TTC28: variants seen among roughly 807,000 people sequenced by gnomAD.
TTC28 encodes tetratricopeptide repeat protein 28.
In TTC28, 61 loss-of-function variants were observed where a neutral mutation model predicts 198.0. The observed-to-expected ratio is 0.31, with a 90% confidence interval of 0.25 to 0.38. The LOEUF (loss-of-function observed/expected upper bound fraction) is 0.38. Among genes scored for constraint, TTC28 ranks in the 10% least tolerant of loss-of-function variants. The pLI is 1.00. For missense variants in TTC28, 2,678 were observed against 3,164.0 expected (o/e 0.85, Z 3.69); for synonymous variants, 1,171 against 1,297.8 (o/e 0.90, Z 2.10).
chr22:27,991,904 A>C (rs1346464826), intron 19 of TTC28, among the ~76,000 whole-genome samples: 3 of 152,228 alleles, frequency 2.0e-5, no homozygotes, highest in Admixed American at 2.0e-4. Flanking sequence ...AGTGTCTTGC[A>C]TGAGAGTTGC....
intron 2 of TTC28, among the ~76,000 whole-genome samples, chr22:28,386,402 T>TGG (rs2046595494): frequency 6.6e-6 from 1 of 151,764 alleles, no homozygotes; most frequent in Non-Finnish European, 1.5e-5. Flanking sequence ...TCTCTCATGA[T>TGG]GGGCAGGGAC....
Position 28,139,909 on chromosome 22 carries a change from G to T in TTC28, c.1441+23183C>A, listed in dbSNP as rs114428985. 2.6e-3 allele frequency among the ~76,000 whole-genome samples: 390 copies of T among 152,234 alleles called. 1 individual carries two copies. Among genetic ancestry groups the T allele is most frequent in the African/African-American group, 8.9e-3 (368 of 41,542 alleles). On this transcript the variant is annotated intron_variant, in intron 6 of 22. Transcript: ENST00000397906. ...ATAGGCTAAATTCATACACATGACT[G>T]GGTTCACAACACCAACTATAGTCAC...
intron 2 of TTC28, among the ~76,000 whole-genome samples, chr22:28,564,175 T>C (rs971481591): frequency 4.6e-5 from 7 of 152,144 alleles, no homozygotes; most frequent in African/African-American, 1.7e-4. Flanking sequence ...GACTTCCTTT[T>C]GGGGCGATGA....
intron 1 of TTC28, among the ~76,000 whole-genome samples, chr22:28,676,859 T>C (rs1569095174): frequency 6.6e-6 from 1 of 151,982 alleles, no homozygotes; most frequent in Non-Finnish European, 1.5e-5. Flanking sequence ...ATCCTGTCTT[T>C]AAAAATATTT....
intron 6 of TTC28, among the ~76,000 whole-genome samples, chr22:28,123,582 T>A (rs773297030): frequency 5.9e-5 from 9 of 152,196 alleles, no homozygotes; most frequent in Non-Finnish European, 1.2e-4. Context: ...TCTTCTCAAT[T>A]CTACCTTTAT....
At chr22:28,397,779 C>T (rs1362312289) in intron 2 of TTC28, among the ~76,000 whole-genome samples, 4 of 152,212 alleles carry the variant, frequency 2.6e-5, no homozygotes, top group East Asian at 1.9e-4. Context: ...TTTTTGATCC[C>T]GCATTCTATG....
intron 12 of TTC28, among the ~76,000 whole-genome samples, chr22:28,087,586 C>T (rs1183647119): frequency 2.6e-5 from 4 of 152,126 alleles, no homozygotes; most frequent in Non-Finnish European, 4.4e-5. Flanking sequence ...GAAGCATTCC[C>T]TTTGAAAACT....
At position 28,032,255 on chromosome 22, in the gene TTC28, ATATATATATATAGT is replaced by A. The variant is rs1569095027; in HGVS notation, c.3933-1903_3933-1890del. Among the ~76,000 whole-genome samples, 709 of 96,202 alleles carry A rather than the reference ATATATATATATAGT, an allele frequency of 7.4e-3. 8 individuals are homozygous for A. The highest frequency in any genetic ancestry group is 0.024 in the African/African-American group (507 of 20,806). 63.1% of individuals were successfully genotyped at this position (96,202 alleles called of 152,430 possible). ...TATAAAATATATATATATAAAATATATATATATATATAGTGTGTGTGTGTGTGTGTGTGTGTGTG... is the reference window on the plus strand; with the variant it reads ...TATAAAATATATATATATAAAATATAGTGTGTGTGTGTGTGTGTGTGTGTG... On this transcript the variant is annotated intron_variant, in intron 12 of 22. Coordinates refer to ENST00000397906, the MANE Select transcript of TTC28 (RefSeq NM_001145418.2).
At chr22:28,450,117 T>C (rs2047758453) in intron 2 of TTC28, among the ~76,000 whole-genome samples, 1 of 152,080 alleles carries the variant, frequency 6.6e-6, no homozygotes, top group African/African-American at 2.4e-5. Context: ...TTGATATAGA[T>C]ATGGATAAAT....
intron 2 of TTC28, among the ~76,000 whole-genome samples, chr22:28,415,804 C>T (rs1204795033): frequency 1.3e-5 from 2 of 151,776 alleles, no homozygotes; most frequent in South Asian, 4.2e-4. Context: ...TACAGTTGTA[C>T]ATCTTCCTTC....
rs553715159 is a variant in TTC28, at chr22:28,032,644, G to A, written c.3933-2278C>T. Among the ~76,000 whole-genome samples the A allele has an allele frequency of 2.6e-5, 4 of 152,228 alleles. No homozygotes were observed. The South Asian group carries it at 8.3e-4, about 32-fold the overall frequency. On this transcript the variant is annotated intron_variant, in intron 12 of 22. Coordinates refer to ENST00000397906, the MANE Select transcript of TTC28 (RefSeq NM_001145418.2). ...TCTACCTTATATCTAAGGTGACAGA[G>A]GTTTGGAGAAGCCAAGGAACTGGGC...
chr22:28,573,984 T>C (rs1005936082), intron 2 of TTC28, among the ~76,000 whole-genome samples: 2 of 152,152 alleles, frequency 1.3e-5, no homozygotes, highest in African/African-American at 4.8e-5. Context: ...TCACTTAACA[T>C]AAGCTCCAGT....
At chr22:28,132,176 C>G (rs1344165765) in intron 6 of TTC28, among the ~76,000 whole-genome samples, 2 of 152,180 alleles carry the variant, frequency 1.3e-5, no homozygotes, top group East Asian at 1.9e-4. Context: ...ATCTTGGAGT[C>G]TAATACGTGA....
intron 2 of TTC28, among the ~76,000 whole-genome samples, chr22:28,472,472 C>G (rs541837144): frequency 6.6e-6 from 1 of 151,498 alleles, no homozygotes; most frequent in South Asian, 2.1e-4. Context: ...CATTTGCTTA[C>G]TAATAGATTA....
intron 2 of TTC28, among the ~76,000 whole-genome samples, chr22:28,342,050 T>C (rs1324600777): frequency 6.6e-6 from 1 of 152,138 alleles, no homozygotes; most frequent in African/African-American, 2.4e-5. Context: ...TTATTTGTAC[T>C]CTGAACATGT....
At chr22:28,488,027 C>T (rs989163726) in intron 2 of TTC28, among the ~76,000 whole-genome samples, 1 of 152,146 alleles carries the variant, frequency 6.6e-6, no homozygotes, top group Admixed American at 6.5e-5. Context: ...ACAGTGCTCG[C>T]TTATCTAATT....
chr22:28,442,141 A>G (rs2047632315), intron 2 of TTC28, among the ~76,000 whole-genome samples: 1 of 152,134 alleles, frequency 6.6e-6, no homozygotes, highest in Non-Finnish European at 1.5e-5. Context: ...AGTTCTCAAC[A>G]AAGGAGCCAT....
chr22:28,025,442 C>T (rs1164289289), intron 13 of TTC28, among the ~76,000 whole-genome samples: 2 of 152,368 alleles, frequency 1.3e-5, no homozygotes, highest in South Asian at 2.1e-4. Flanking sequence ...TTCTCCTCTG[C>T]ACTGTGTGCC....
intron 2 of TTC28, among the ~76,000 whole-genome samples, chr22:28,307,062 C>T (rs1030359320): frequency 6.6e-6 from 1 of 152,058 alleles, no homozygotes; most frequent in Non-Finnish European, 1.5e-5. Context: ...TTTTCTATTT[C>T]CCCCTCTTAA....
Sources: allele counts gnomAD v4.1 joint callset (sites outside exome capture counted in the v4.1 genomes callset), GRCh38; gene constraint gnomAD v4.1.1; transcripts MANE v1.5; gene names NCBI Gene and HGNC (gene_info 2026-07-23, HGNC 2026-07-21).